Variants in APBB2 observed in about 807,000 individuals in gnomAD.
APBB2 encodes Fe65-like 1.
In APBB2, 38 loss-of-function variants were observed where a neutral mutation model predicts 82.5. That is an observed-to-expected ratio of 0.46 (90% CI 0.36 to 0.60). The LOEUF (loss-of-function observed/expected upper bound fraction) is 0.60. Among genes scored for constraint, APBB2 ranks in the 20% least tolerant of loss-of-function variants. APBB2 has a pLI of 0.00. For synonymous variants in APBB2, 341 were observed against 368.2 expected (o/e 0.93, Z 0.85); for missense variants, 772 against 972.3 (o/e 0.79, Z 2.74).
At chr4:40,863,550 C>A (rs115489819) in intron 12 of APBB2, among the ~76,000 whole-genome samples, 2,138 of 152,232 alleles carry the variant, frequency 0.014, 51 homozygotes, top group African/African-American at 0.049. Context: ...AAACCATGAT[C>A]ACACGGACAA....
chr4:40,958,481 G>GA (rs1256546227), intron 6 of APBB2, among the ~76,000 whole-genome samples: 1 of 152,076 alleles, frequency 6.6e-6, no homozygotes, highest in Admixed American at 6.5e-5. Flanking sequence ...GAAGTACTGG[G>GA]AAAAAAACTG....
At chr4:40,994,484 C>T (rs560019857) in intron 6 of APBB2, among the ~76,000 whole-genome samples, 10 of 152,090 alleles carry the variant, frequency 6.6e-5, no homozygotes, top group Non-Finnish European at 1.3e-4. Context: ...GTCTCCCAAA[C>T]ATAGTATGAC....
At chr4:41,117,299 T>A (rs574911832) in intron 2 of APBB2, among the ~76,000 whole-genome samples, 1,527 of 148,602 alleles carry the variant, frequency 0.01, 25 homozygotes, top group African/African-American at 0.032. Context: ...ATTATTATTT[T>A]TTTTTTTTTT....
At chr4:40,825,787 G>A (rs896971444) in intron 15 of APBB2, 100 bp downstream of exon 15, 38 of 853,888 alleles carry the variant, frequency 4.5e-5, no homozygotes, top group African/African-American at 6.7e-5. Flanking sequence ...AAGACAAGGC[G>A]TGAGAGTAAA....
chr4:40,975,525 G>A (rs759239647), intron 6 of APBB2, among the ~76,000 whole-genome samples: 17 of 152,046 alleles, frequency 1.1e-4, no homozygotes, highest in Admixed American at 9.2e-4. Context: ...CCTCATGGAC[G>A]TATCATTAGC....
At chr4:40,851,654 C>A (rs1759400892) in intron 12 of APBB2, among the ~76,000 whole-genome samples, 1 of 150,836 alleles carries the variant, frequency 6.6e-6, no homozygotes, top group Non-Finnish European at 1.5e-5. Context: ...GCTGGAAGCT[C>A]AAGTCACTCC....
Position 40,826,950 on chromosome 4 carries a change from C to T in APBB2, c.1732+182G>A. ...AACTCATCCTGGCTTTATGCCTAAC[C>T]CTAGTGATGCAAAATCAACTCTGTG... On this transcript the variant is annotated intron_variant, in intron 14 of 17. Coordinates refer to ENST00000508593, the MANE Select transcript of APBB2 (RefSeq NM_004307.2). This position sits in a 1 kb window ranked among gnomAD's most constrained non-coding sequence, Gnocchi z 4.5. 1.7e-6 allele frequency: 1 copy of T among 578,074 alleles called. No individual in the cohort carries two copies. The highest frequency in any genetic ancestry group is 3.2e-5 in the Admixed American group (1 of 31,204). The allele number at this position is 578,074 out of a possible 1,614,324, so 35.8% of individuals were successfully genotyped here.
At chr4:41,013,038 TAAATA>T (rs1808839125) in intron 6 of APBB2, among the ~76,000 whole-genome samples, 1 of 152,222 alleles carries the variant, frequency 6.6e-6, no homozygotes, top group Non-Finnish European at 1.5e-5. Context: ...TTCCCACTTT[TAAATA>T]TTACTTAAGG....
intron 5 of APBB2, among the ~76,000 whole-genome samples, chr4:41,015,596 A>C (rs1397196660): frequency 1.3e-5 from 2 of 152,156 alleles, no homozygotes; most frequent in African/African-American, 4.8e-5. Context: ...TTTTAGAAAA[A>C]AGTTGCTCAT....
chr4:40,858,335 A>T (rs1761931230), intron 12 of APBB2, among the ~76,000 whole-genome samples: 1 of 151,956 alleles, frequency 6.6e-6, no homozygotes, highest in South Asian at 2.1e-4. Flanking sequence ...TAGCCAATTA[A>T]CAAAGTGAAA....
intron 3 of APBB2, among the ~76,000 whole-genome samples, chr4:41,099,960 G>A (rs914930052): frequency 2.6e-5 from 4 of 151,942 alleles, no homozygotes; most frequent in South Asian, 2.1e-4. Context: ...AAAACAGATC[G>A]ACTTTATAGA....
At chr4:41,047,629 T>G (rs1723906013) in intron 4 of APBB2, among the ~76,000 whole-genome samples, 1 of 152,228 alleles carries the variant, frequency 6.6e-6, no homozygotes, top group Non-Finnish European at 1.5e-5. Flanking sequence ...TTAACAAACT[T>G]GCATAACATT....
intron 1 of APBB2, among the ~76,000 whole-genome samples, chr4:41,182,850 C>A (rs568148660): frequency 6.6e-6 from 1 of 152,264 alleles, no homozygotes; most frequent in Non-Finnish European, 1.5e-5. Flanking sequence ...GGAAACCACC[C>A]CCATGATTCA....
intron 5 of APBB2, among the ~76,000 whole-genome samples, chr4:41,018,537 C>A (rs1163034197): frequency 1.3e-5 from 2 of 152,086 alleles, no homozygotes; most frequent in African/African-American, 4.8e-5. Flanking sequence ...TGGACTTGAC[C>A]CTGAGGCAAC....
chr4:41,047,290 T>C (rs1017920004), intron 4 of APBB2, among the ~76,000 whole-genome samples: 1 of 152,248 alleles, frequency 6.6e-6, no homozygotes, highest in Non-Finnish European at 1.5e-5. Context: ...CAGATAAAAG[T>C]ATCTCAAAGG....
At chr4:41,003,863 C>T (rs1282370553) in intron 6 of APBB2, among the ~76,000 whole-genome samples, 1 of 152,186 alleles carries the variant, frequency 6.6e-6, no homozygotes, top group African/African-American at 2.4e-5. Flanking sequence ...CAGGCACCTG[C>T]CACCATGTCC....
intron 13 of APBB2, 33 bp from the exon 14 acceptor site, chr4:40,827,252 G>A: frequency 6.3e-7 from 1 of 1,592,734 alleles, no homozygotes; most frequent in South Asian, 1.1e-5. Flanking sequence ...TTGGAGCGTG[G>A]GTTCAAGCCC....
chr4:40,949,802 C>T (rs1249140277), intron 6 of APBB2, among the ~76,000 whole-genome samples: 1 of 152,186 alleles, frequency 6.6e-6, no homozygotes, highest in Admixed American at 6.5e-5. Flanking sequence ...TTAAACTGAG[C>T]GTCTGCCACG....
chr4:40,879,334 G>A lies in APBB2; in HGVS notation c.1529+11030C>T, dbSNP rs1029135633. On this transcript the variant is annotated intron_variant, in intron 12 of 17. Coordinates refer to ENST00000508593, the MANE Select transcript of APBB2 (RefSeq NM_004307.2). Reference sequence around the variant, plus strand: ...AAGGCTAGCTGAAAATTCATGACACGATAATTCTCCTACATTCTCATTTTT... The same window carrying A: ...AAGGCTAGCTGAAAATTCATGACACAATAATTCTCCTACATTCTCATTTTT... 5.9e-5 allele frequency among the ~76,000 whole-genome samples: 9 copies of A among 152,024 alleles called. No individual in the cohort carries two copies. The South Asian group carries it at 1.0e-3, about 18-fold the overall frequency.
Sources: allele counts gnomAD v4.1 joint callset (sites outside exome capture counted in the v4.1 genomes callset), GRCh38; gene constraint gnomAD v4.1.1; non-coding constraint Gnocchi (gnomAD v3.1); transcripts MANE v1.5; gene names NCBI Gene and HGNC (gene_info 2026-07-23, HGNC 2026-07-21).